ATP9B: variants seen among roughly 807,000 people sequenced by gnomAD.
ATP9B encodes ATPase phospholipid transporting 9B.
ATP9B carries 110 observed loss-of-function variants against 146.1 expected under a neutral mutation model. That is an observed-to-expected ratio of 0.75 (90% CI 0.65 to 0.88). The LOEUF (loss-of-function observed/expected upper bound fraction) is 0.88, where lower values mean the gene tolerates loss of function less well. Ranked by LOEUF, ATP9B falls within the 40% of genes least tolerant of loss-of-function variation. The pLI is 0.00. For synonymous variants in ATP9B, 604 were observed against 569.7 expected (o/e 1.06, Z -0.86); for missense variants, 1,499 against 1,496.4 (o/e 1.00, Z -0.03).
At chr18:79,286,626 A>C (rs2096445541) in intron 13 of ATP9B, among the ~76,000 whole-genome samples, 1 of 152,036 alleles carries the variant, frequency 6.6e-6, no homozygotes, top group African/African-American at 2.4e-5. Context: ...CTCCTGCCTA[A>C]TTGCCCTGGC....
intron 4 of ATP9B, among the ~76,000 whole-genome samples, chr18:79,119,560 T>G (rs532209022): frequency 8.2e-4 from 125 of 152,356 alleles, no homozygotes; most frequent in Non-Finnish European, 1.5e-3. Flanking sequence ...ATACTGTTAT[T>G]CCACTATATT....
At chr18:79,292,266 ACTCT>A (rs1269224695) in intron 13 of ATP9B, among the ~76,000 whole-genome samples, 1 of 151,982 alleles carries the variant, frequency 6.6e-6, no homozygotes, top group South Asian at 2.1e-4. Context: ...GGAGAGCAAA[ACTCT>A]CTCTGTATGT....
intron 6 of ATP9B, among the ~76,000 whole-genome samples, chr18:79,152,820 T>C (rs1254937626): frequency 6.6e-6 from 1 of 152,212 alleles, no homozygotes; most frequent in Non-Finnish European, 1.5e-5. Context: ...CCTCACTGAT[T>C]GGCAGTTTCA....
At chr18:79,247,765 TATA>T (rs2095982677) in intron 11 of ATP9B, among the ~76,000 whole-genome samples, 2 of 152,186 alleles carry the variant, frequency 1.3e-5, no homozygotes, top group Admixed American at 6.5e-5. Flanking sequence ...ATACAAAAAA[TATA>T]GTACTTTTTT....
chr18:79,291,807 G>A (rs1424295907), intron 13 of ATP9B, among the ~76,000 whole-genome samples: 2 of 152,176 alleles, frequency 1.3e-5, no homozygotes, highest in South Asian at 2.1e-4. Flanking sequence ...CAACTGTCAG[G>A]ATACATCGCT....
intron 13 of ATP9B, among the ~76,000 whole-genome samples, chr18:79,291,439 A>G (rs913859923): frequency 6.6e-6 from 1 of 152,194 alleles, no homozygotes; most frequent in African/African-American, 2.4e-5. Flanking sequence ...TGTATTACAG[A>G]CTCTACATTA....
intron 1 of ATP9B, among the ~76,000 whole-genome samples, chr18:79,079,779 G>A (rs1374408413): frequency 2.6e-5 from 4 of 152,148 alleles, no homozygotes; most frequent in Non-Finnish European, 5.9e-5. Flanking sequence ...TATAGTTTTA[G>A]GTCTTACGTT....
chr18:79,108,577 G>A (rs1032856400), intron 2 of ATP9B, among the ~76,000 whole-genome samples: 2 of 152,182 alleles, frequency 1.3e-5, no homozygotes, highest in African/African-American at 4.8e-5. Context: ...TTTGTGTGCT[G>A]CGGTAGAAGT....
At chr18:79,287,110 T>C (rs1249057340) in intron 13 of ATP9B, among the ~76,000 whole-genome samples, 1 of 152,234 alleles carries the variant, frequency 6.6e-6, no homozygotes, top group Non-Finnish European at 1.5e-5. Flanking sequence ...CGGGCTTTGG[T>C]ATCAGGATGA....
intron 13 of ATP9B, among the ~76,000 whole-genome samples, chr18:79,288,769 T>G (rs1236019207): frequency 6.6e-6 from 1 of 152,236 alleles, no homozygotes; most frequent in Non-Finnish European, 1.5e-5. Context: ...TTCCTTTCCA[T>G]GTTTAGTGCA....
chr18:79,202,311 A>C (rs1299238803), intron 9 of ATP9B, among the ~76,000 whole-genome samples: 1 of 152,182 alleles, frequency 6.6e-6, no homozygotes, highest in African/African-American at 2.4e-5. Flanking sequence ...GGAAGTTTGG[A>C]GTTGTAAATT....
chr18:79,206,428 G>T (rs544582312), intron 9 of ATP9B, among the ~76,000 whole-genome samples: 1 of 152,244 alleles, frequency 6.6e-6, no homozygotes, highest in Admixed American at 6.5e-5. Context: ...AAATGTTGAA[G>T]AGTTGACTTG....
chr18:79,129,387 A>G (rs1208496678), intron 5 of ATP9B, among the ~76,000 whole-genome samples: 1 of 152,164 alleles, frequency 6.6e-6, no homozygotes, highest in Non-Finnish European at 1.5e-5. Flanking sequence ...GCAAGAAGGA[A>G]GGGAAGGATG....
intron 12 of ATP9B, among the ~76,000 whole-genome samples, chr18:79,276,040 A>G (rs983005473): frequency 4.6e-5 from 7 of 152,214 alleles, no homozygotes; most frequent in African/African-American, 9.7e-5. Context: ...TGCTGGGTCA[A>G]AAATGTTTGA....
intron 5 of ATP9B, among the ~76,000 whole-genome samples, chr18:79,139,412 A>G (rs2094487258): frequency 6.6e-6 from 1 of 151,998 alleles, no homozygotes; most frequent in South Asian, 2.1e-4. Context: ...CAAACACGTG[A>G]CTCCCTCCTT....
At chr18:79,273,115 T>C (rs1275878402) in intron 12 of ATP9B, among the ~76,000 whole-genome samples, 1 of 152,228 alleles carries the variant, frequency 6.6e-6, no homozygotes. Context: ...GAAGAGTACA[T>C]GTGCGTGTTT....
intron 21 of ATP9B, 74 bp downstream of exon 21, chr18:79,344,428 G>A: frequency 2.9e-6 from 4 of 1,383,256 alleles, no homozygotes; most frequent in Non-Finnish European, 4.1e-6. Context: ...CTGAGTGTCT[G>A]TTTGTCTCTC....
intron 10 of ATP9B, among the ~76,000 whole-genome samples, chr18:79,213,422 A>G (rs1448052205): frequency 6.6e-6 from 1 of 152,160 alleles, no homozygotes; most frequent in Non-Finnish European, 1.5e-5. Context: ...AATAGCTTCT[A>G]AATGCAAAGT....
intron 1 of ATP9B, among the ~76,000 whole-genome samples, chr18:79,090,856 C>T (rs1346102339): frequency 6.6e-6 from 1 of 152,092 alleles, no homozygotes. Flanking sequence ...AGTCTTTGTC[C>T]AGACCATTGT....
Sources: allele counts gnomAD v4.1 joint callset (sites outside exome capture counted in the v4.1 genomes callset), GRCh38; gene constraint gnomAD v4.1.1; transcripts MANE v1.5; gene names NCBI Gene and HGNC (gene_info 2026-07-23, HGNC 2026-07-21).